The following ST6GAL1 variants were observed in gnomAD, a reference collection of about 807,000 sequenced individuals.
ST6GAL1 encodes beta-galactoside alpha-2,6-sialyltransferase 1.
A neutral mutation model predicts 38.0 loss-of-function variants in ST6GAL1; 20 were observed. The observed-to-expected ratio is 0.53, with a 90% CI of 0.37 to 0.77. ST6GAL1 has a LOEUF of 0.77. ST6GAL1 is among the 30% of genes least tolerant of loss of function. The pLI, the probability that ST6GAL1 is intolerant of heterozygous loss-of-function variation, is 0.00. For missense variants in ST6GAL1, 432 were observed against 496.4 expected (o/e 0.87, Z 1.23); for synonymous variants, 196 against 188.2 (o/e 1.04, Z -0.34).
At chr3:187,045,244 T>C (rs918856395) in intron 4 of ST6GAL1, among the ~76,000 whole-genome samples, 1 of 152,100 alleles carries the variant, frequency 6.6e-6, no homozygotes, top group Non-Finnish European at 1.5e-5. Flanking sequence ...CAGGGAAATA[T>C]CCTCAGAAGT....
intron 2 of ST6GAL1, among the ~76,000 whole-genome samples, chr3:186,989,892 G>T (rs879328464): frequency 6.6e-6 from 1 of 152,214 alleles, no homozygotes; most frequent in South Asian, 2.1e-4. Context: ...GCAAGGTCCC[G>T]GTCAACACTC....
chr3:186,966,960 G>A (rs964867787), intron 2 of ST6GAL1, among the ~76,000 whole-genome samples: 2 of 152,314 alleles, frequency 1.3e-5, no homozygotes, highest in African/African-American at 2.4e-5. Context: ...TATGTGCCCT[G>A]CCAAATATCT....
At chr3:187,048,608 CTGTCTA>C (rs1718388715) in intron 4 of ST6GAL1, among the ~76,000 whole-genome samples, 1 of 152,198 alleles carries the variant, frequency 6.6e-6, no homozygotes, top group Non-Finnish European at 1.5e-5. Flanking sequence ...TCCGTCTTTA[CTGTCTA>C]TGTCCGTGCA....
intron 2 of ST6GAL1, among the ~76,000 whole-genome samples, chr3:186,964,876 A>G (rs1438061154): frequency 6.6e-6 from 1 of 152,164 alleles, no homozygotes; most frequent in Non-Finnish European, 1.5e-5. Flanking sequence ...GCATTCCTTC[A>G]TTTCCTCACC....
intron 2 of ST6GAL1, among the ~76,000 whole-genome samples, chr3:187,010,973 A>G (rs906505692): frequency 5.3e-5 from 8 of 152,304 alleles, no homozygotes; most frequent in African/African-American, 1.9e-4. Flanking sequence ...CGGGGCCGAG[A>G]GAACTTTGAG....
rs1268900006 is a variant in ST6GAL1, at chr3:187,043,252, G to T, written c.549G>T (p.Arg183Ser). 1.9e-6 allele frequency: 3 copies of T among 1,614,218 alleles called. No homozygotes were observed. The highest frequency in any genetic ancestry group is 2.5e-6 in the Non-Finnish European group (3 of 1,180,032). ...SIRTKAGPWG[R>S]CAVVSSAGSL... Reference sequence around the variant, plus strand: ...GGACCAAGGCTGGGCCTTGGGGCAGGTGTGCTGTTGTGTCGTCAGCGGGAT... The same window carrying T: ...GGACCAAGGCTGGGCCTTGGGGCAGTTGTGCTGTTGTGTCGTCAGCGGGAT... Residue 183 changes from arginine (R) to serine (S), a missense_variant, in exon 4 of 8, where the codon AGG (arginine) becomes AGT (serine). Physicochemically the swap from Arg to Ser is moderately radical, Grantham distance 110. Transcript: ENST00000169298.
At chr3:186,966,536 C>T (rs192510928) in intron 2 of ST6GAL1, among the ~76,000 whole-genome samples, 160 of 152,322 alleles carry the variant, frequency 1.1e-3, no homozygotes, top group African/African-American at 3.7e-3. Flanking sequence ...AAATGCAGTT[C>T]CCACACACAG....
chr3:186,950,328 T>C (rs1248423266), intron 1 of ST6GAL1, among the ~76,000 whole-genome samples: 1 of 152,154 alleles, frequency 6.6e-6, no homozygotes, highest in South Asian at 2.1e-4. Context: ...CTACTCAGTT[T>C]GGGTCAGGAT....
chr3:187,039,153 A>G (rs1718039763), intron 3 of ST6GAL1, among the ~76,000 whole-genome samples: 1 of 152,190 alleles, frequency 6.6e-6, no homozygotes, highest in Non-Finnish European at 1.5e-5. Context: ...CCTGCCACGA[A>G]TGCAACTGGT....
At chr3:187,058,008 G>A (rs930284169) in intron 5 of ST6GAL1, among the ~76,000 whole-genome samples, 1 of 152,124 alleles carries the variant, frequency 6.6e-6, no homozygotes, top group Non-Finnish European at 1.5e-5. Context: ...AATGGCAGAC[G>A]CCCCTCCCCC....
intron 5 of ST6GAL1, among the ~76,000 whole-genome samples, chr3:187,068,961 C>G (rs1047643185): frequency 2.6e-5 from 4 of 152,174 alleles, no homozygotes; most frequent in Non-Finnish European, 5.9e-5. Flanking sequence ...CCCCATCTAG[C>G]AGGAAGCCTG....
chr3:187,062,573 G>GACACACACACAC (rs1718955430), intron 5 of ST6GAL1, among the ~76,000 whole-genome samples: 1 of 50,894 alleles, frequency 2.0e-5, no homozygotes, highest in East Asian at 7.9e-4. Context: ...AAATAAGCCA[G>GACACACACACAC]TCACACACAC....
intron 2 of ST6GAL1, among the ~76,000 whole-genome samples, chr3:187,032,973 T>C (rs533306444): frequency 1.3e-5 from 2 of 152,230 alleles, no homozygotes; most frequent in Non-Finnish European, 2.9e-5. Flanking sequence ...TGGCTTCCTC[T>C]TAGTTCTGTT....
At chr3:187,022,297 T>C (rs577239991) in intron 2 of ST6GAL1, among the ~76,000 whole-genome samples, 3 of 151,880 alleles carry the variant, frequency 2.0e-5, no homozygotes, top group African/African-American at 4.8e-5. Context: ...TCTGTGTTGA[T>C]TGTTGTGGTG....
chr3:186,978,543 C>A (rs1223505376), intron 2 of ST6GAL1, among the ~76,000 whole-genome samples: 1 of 152,210 alleles, frequency 6.6e-6, no homozygotes, highest in African/African-American at 2.4e-5. Context: ...GCAGGCCAGA[C>A]CAGGAGCCAG....
intron 5 of ST6GAL1, 195 bp from the exon 6 acceptor site, chr3:187,072,654 T>A: frequency 2.1e-5 from 12 of 579,064 alleles, no homozygotes; most frequent in East Asian, 9.4e-5. Context: ...TTGTGATAAA[T>A]GTCCTTTCAG....
At chr3:187,012,044 T>C (rs1196509497) in intron 2 of ST6GAL1, among the ~76,000 whole-genome samples, 1 of 152,154 alleles carries the variant, frequency 6.6e-6, no homozygotes, top group Non-Finnish European at 1.5e-5. Context: ...TTTATTGCCC[T>C]TTCCCCAGGA....
intron 1 of ST6GAL1, among the ~76,000 whole-genome samples, chr3:186,956,878 TAA>T (rs1403918390): frequency 1.3e-5 from 2 of 152,010 alleles, no homozygotes; most frequent in East Asian, 3.9e-4. Context: ...AGGCAGAAAT[TAA>T]AAGAGACAAC....
At chr3:187,058,292 T>C (rs910094766) in intron 5 of ST6GAL1, among the ~76,000 whole-genome samples, 38 of 152,334 alleles carry the variant, frequency 2.5e-4, no homozygotes, top group Non-Finnish European at 5.1e-4. Context: ...TCGTCCTCCA[T>C]GGGTTGCACC....
Sources: allele counts gnomAD v4.1 joint callset (sites outside exome capture counted in the v4.1 genomes callset), GRCh38; gene constraint gnomAD v4.1.1; transcripts MANE v1.5; gene names NCBI Gene and HGNC (gene_info 2026-07-23, HGNC 2026-07-21).